Variants in RUNX2 observed in about 807,000 individuals in gnomAD.
RUNX2 encodes the protein RUNX family transcription factor 2.
In RUNX2, 10 loss-of-function variants were observed where a neutral mutation model predicts 51.7. That is an observed-to-expected ratio of 0.19 (90% CI 0.12 to 0.33). The LOEUF (loss-of-function observed/expected upper bound fraction) is 0.33, where lower values mean the gene tolerates loss of function less well. Among genes scored for constraint, RUNX2 ranks in the 10% least tolerant of loss-of-function variants. The probability of loss-of-function intolerance (pLI) is 1.00; values close to 1 mark genes in which losing one functional copy is unlikely to be tolerated. For missense variants in RUNX2, 562 were observed against 691.3 expected, an observed-to-expected ratio of 0.81 and a Z score of 2.10; for synonymous variants, 276 against 273.6, an observed-to-expected ratio of 1.01 and a Z score of -0.09.
rs150354057 is a variant in RUNX2, at chr6:45,549,306, G to T, written c.*2001G>T. Reference sequence around the variant, plus strand: ...ACCCTAACGGCCCCCTTGTTCTCTGGTCCTTCTCAAACCCACCTTTGTAGG... The same window carrying T: ...ACCCTAACGGCCCCCTTGTTCTCTGTTCCTTCTCAAACCCACCTTTGTAGG... On this transcript the variant is annotated 3_prime_UTR_variant, in exon 9 of 9. Transcript: ENST00000647337. 2 of 398,338 alleles carry T rather than the reference G, an allele frequency of 5.0e-6. No homozygotes were observed. Among genetic ancestry groups the T allele is most frequent in the African/African-American group, 4.1e-5 (2 of 48,562 alleles). The allele number at this position is 398,338 out of a possible 1,614,324, so 24.7% of individuals were successfully genotyped here. A position where few individuals can be genotyped will look rare whatever the true frequency, so the allele number is the denominator to read the frequency against.
chr6:45,522,491 C>CA (rs1462333420), intron 7 of RUNX2, among the ~76,000 whole-genome samples: 90 of 152,042 alleles, frequency 5.9e-4, no homozygotes, highest in African/African-American at 2.1e-3. Flanking sequence ...CGAATTGCTT[C>CA]AACAATTACG....
At chr6:45,486,300 C>A (rs1248795281) in intron 5 of RUNX2, among the ~76,000 whole-genome samples, 1 of 152,058 alleles carries the variant, frequency 6.6e-6, no homozygotes, top group Non-Finnish European at 1.5e-5. Context: ...TCCTTGAGGG[C>A]AAGGATATTA....
chr6:45,491,134 A>T (rs1800447167), intron 5 of RUNX2, among the ~76,000 whole-genome samples: 1 of 152,152 alleles, frequency 6.6e-6, no homozygotes, highest in South Asian at 2.1e-4. Context: ...ACTTGAATAA[A>T]CTAGAAGAGA....
intron 2 of RUNX2, among the ~76,000 whole-genome samples, chr6:45,331,124 T>TGC (rs748597206): frequency 1.3e-5 from 2 of 150,674 alleles, no homozygotes; most frequent in African/African-American, 2.5e-5. Flanking sequence ...TGTGTGTGTG[T>TGC]GTGCGCGCGC....
chr6:45,393,056 T>A (rs1220390773), intron 2 of RUNX2, among the ~76,000 whole-genome samples: 5 of 152,188 alleles, frequency 3.3e-5, no homozygotes, highest in Non-Finnish European at 7.3e-5. Context: ...TATTGTTTCC[T>A]AGGGTTTCTA....
chr6:45,418,333 A>G (rs572600863), intron 2 of RUNX2, among the ~76,000 whole-genome samples: 59 of 152,312 alleles, frequency 3.9e-4, no homozygotes, highest in African/African-American at 1.4e-3. Context: ...TGTTGTTACT[A>G]AACAGTTATG....
chr6:45,484,046 G>A (rs1463821128), intron 5 of RUNX2, among the ~76,000 whole-genome samples: 1 of 152,174 alleles, frequency 6.6e-6, no homozygotes, highest in Non-Finnish European at 1.5e-5. Context: ...TAGGATTTGG[G>A]GGCAGAAAGA....
intron 6 of RUNX2, among the ~76,000 whole-genome samples, chr6:45,499,259 T>C (rs1420827216): frequency 1.3e-5 from 2 of 152,200 alleles, no homozygotes; most frequent in East Asian, 1.9e-4. Context: ...CTTTGAGATG[T>C]TTCAGGTGGG....
At chr6:45,363,160 A>G (rs986937327) in intron 2 of RUNX2, among the ~76,000 whole-genome samples, 2 of 152,094 alleles carry the variant, frequency 1.3e-5, no homozygotes, top group African/African-American at 2.4e-5. Context: ...CAAATACTCA[A>G]CTCTGGCACA....
At chr6:45,351,804 T>C (rs1372634497) in intron 2 of RUNX2, among the ~76,000 whole-genome samples, 1 of 152,158 alleles carries the variant, frequency 6.6e-6, no homozygotes, top group Admixed American at 6.6e-5. Context: ...AATACCTAAA[T>C]TAACCCAATT....
chr6:45,510,999 A>G (rs1329050867), intron 6 of RUNX2, among the ~76,000 whole-genome samples: 1 of 152,170 alleles, frequency 6.6e-6, no homozygotes, highest in Non-Finnish European at 1.5e-5. Context: ...TGCATATTCT[A>G]AGATACCAAG....
rs1214000512 is a variant in RUNX2 at position 45,548,559 on chromosome 6, T to C, written c.*1254T>C. 1 of 152,662 alleles carries C rather than the reference T, an allele frequency of 6.6e-6. No homozygotes were observed. Among genetic ancestry groups the C allele is most frequent in the East Asian group, 1.9e-4 (1 of 5,198 alleles). 9.5% of individuals were successfully genotyped at this position (152,662 alleles called of 1,614,324 possible). The stretch of plus-strand genomic sequence containing the variant: ...TTATCAGCATGAAATGCTGGAGTGA[T>C]GTGGTTTTCTAATTTCTTTGGGGTA... On this transcript the variant is annotated 3_prime_UTR_variant, in exon 9 of 9. Transcript: ENST00000647337.
At chr6:45,457,005 A>G (rs765260249) in intron 5 of RUNX2, among the ~76,000 whole-genome samples, 10 of 152,174 alleles carry the variant, frequency 6.6e-5, no homozygotes, top group Non-Finnish European at 1.2e-4. Context: ...AGATGTCACT[A>G]TTTTACCACA....
At chr6:45,462,166 A>G (rs1799496296) in intron 5 of RUNX2, among the ~76,000 whole-genome samples, 1 of 152,250 alleles carries the variant, frequency 6.6e-6, no homozygotes. Flanking sequence ...CCTTAAATAC[A>G]TGAAAGGATT....
chr6:45,525,610 T>A lies in RUNX2; in HGVS notation c.1021+13203T>A, dbSNP rs150763431. Reference sequence around the variant, plus strand: ...ATTGGGCTAGTTTTTCCCCAAGGTATATCATAAAGTTTTTGATGTCTGTGA... The same window carrying A: ...ATTGGGCTAGTTTTTCCCCAAGGTAAATCATAAAGTTTTTGATGTCTGTGA... On this transcript the variant is annotated intron_variant, in intron 7 of 8. Coordinates refer to ENST00000647337, the MANE Select transcript of RUNX2 (RefSeq NM_001024630.4). 8.0e-3 allele frequency among the ~76,000 whole-genome samples: 1,215 copies of A among 152,344 alleles called. 16 individuals are homozygous for A. The highest frequency in any genetic ancestry group is 0.028 in the African/African-American group (1,147 of 41,574).
At chr6:45,466,844 A>G (rs777323020) in intron 5 of RUNX2, among the ~76,000 whole-genome samples, 1 of 152,198 alleles carries the variant, frequency 6.6e-6, no homozygotes, top group Non-Finnish European at 1.5e-5. Context: ...CAGTTCATTT[A>G]TTCGACAGAT....
At chr6:45,330,331 A>C (rs1316945860) in intron 2 of RUNX2, among the ~76,000 whole-genome samples, 1 of 151,956 alleles carries the variant, frequency 6.6e-6, no homozygotes, top group Non-Finnish European at 1.5e-5. Context: ...TTATACATCG[A>C]AAGTTTTGTT....
intron 2 of RUNX2, among the ~76,000 whole-genome samples, chr6:45,355,632 A>G (rs1228689610): frequency 1.3e-5 from 2 of 152,152 alleles, no homozygotes. Flanking sequence ...TTTATATTTA[A>G]TTACAAATTC....
intron 2 of RUNX2, among the ~76,000 whole-genome samples, chr6:45,359,797 C>G (rs1437834202): frequency 6.6e-6 from 1 of 152,080 alleles, no homozygotes; most frequent in Non-Finnish European, 1.5e-5. Context: ...TAATCCCAAC[C>G]CTTTGGGAGG....
Sources: allele counts gnomAD v4.1 joint callset (sites outside exome capture counted in the v4.1 genomes callset), GRCh38; gene constraint gnomAD v4.1.1; transcripts MANE v1.5; gene names NCBI Gene and HGNC (gene_info 2026-07-23, HGNC 2026-07-21).